Variants in MEGF11 observed in about 807,000 individuals in gnomAD.
MEGF11 encodes multiple epidermal growth factor-like domains protein 11.
A neutral mutation model predicts 146.6 loss-of-function variants in MEGF11; 126 were observed. The ratio of observed to expected loss-of-function variants is 0.86; its 90% CI spans 0.74 to 1.00. The LOEUF is 1.00. Ranked by LOEUF, MEGF11 falls within the 50% of genes least tolerant of loss-of-function variation. The probability of loss-of-function intolerance (pLI) is 0.00; values close to 1 mark genes in which losing one functional copy is unlikely to be tolerated. For synonymous variants in MEGF11, 532 were observed against 583.4 expected (o/e 0.91, Z 1.27); for missense variants, 1,509 against 1,521.2 (o/e 0.99, Z 0.13).
chr15:66,124,218 C>T (rs1453041175), intron 2 of MEGF11, among the ~76,000 whole-genome samples: 1 of 152,178 alleles, frequency 6.6e-6, no homozygotes, highest in Non-Finnish European at 1.5e-5. Context: ...ATTTACTGAC[C>T]TTTGGCCCAG....
chr15:65,967,056 A>G (rs991658697), intron 8 of MEGF11: 2 of 152,204 alleles, frequency 1.3e-5, no homozygotes, highest in Admixed American at 1.3e-4. Context: ...AACAGTGCGG[A>G]TAATGGAGAA....
At chr15:65,993,864 CCTCT>C (rs2082125755) in intron 5 of MEGF11, among the ~76,000 whole-genome samples, 1 of 152,182 alleles carries the variant, frequency 6.6e-6, no homozygotes, top group African/African-American at 2.4e-5. Context: ...GAGGAGGGAG[CCTCT>C]CTCTATCTCT....
chr15:66,123,111 G>C (rs186831177), intron 3 of MEGF11, among the ~76,000 whole-genome samples: 16 of 152,256 alleles, frequency 1.1e-4, no homozygotes, highest in African/African-American at 3.6e-4. Flanking sequence ...AGTACACTGG[G>C]AATCCCAAAA....
intron 5 of MEGF11, among the ~76,000 whole-genome samples, chr15:65,991,513 G>A (rs2082043120): frequency 6.6e-6 from 1 of 152,126 alleles, no homozygotes; most frequent in Non-Finnish European, 1.5e-5. Flanking sequence ...GCATTGCAGG[G>A]CATTTAGTGG....
chr15:66,236,301 CTAA>C (rs1455730086), intron 1 of MEGF11, among the ~76,000 whole-genome samples: 6 of 152,138 alleles, frequency 3.9e-5, no homozygotes, highest in Non-Finnish European at 7.4e-5. Flanking sequence ...TGACTCTGTG[CTAA>C]TGAGTTTTGA....
At chr15:65,960,427 G>T (rs1268638467) in intron 9 of MEGF11, among the ~76,000 whole-genome samples, 1 of 152,274 alleles carries the variant, frequency 6.6e-6, no homozygotes, top group East Asian at 1.9e-4. Flanking sequence ...ACAGCGACCT[G>T]CGTGGGTATC....
intron 5 of MEGF11, among the ~76,000 whole-genome samples, chr15:66,048,124 T>C (rs1043152791): frequency 6.6e-6 from 1 of 152,122 alleles, no homozygotes; most frequent in African/African-American, 2.4e-5. Flanking sequence ...TTTTGTATTT[T>C]TAGTAGAGGC....
chr15:66,140,983 C>A (rs143585219), intron 1 of MEGF11, among the ~76,000 whole-genome samples: 1 of 152,140 alleles, frequency 6.6e-6, no homozygotes, highest in Non-Finnish European at 1.5e-5. Context: ...CACTCATCAG[C>A]CACTGTGCAC....
chr15:66,020,076 C>T (rs1170785447), intron 5 of MEGF11, among the ~76,000 whole-genome samples: 1 of 152,202 alleles, frequency 6.6e-6, no homozygotes, highest in African/African-American at 2.4e-5. Flanking sequence ...CTCCCCAGCT[C>T]GGGTCCTGTA....
intron 1 of MEGF11, among the ~76,000 whole-genome samples, chr15:66,146,816 C>A (rs2141022441): frequency 6.6e-6 from 1 of 152,372 alleles, no homozygotes; most frequent in South Asian, 2.1e-4. Flanking sequence ...CTGGGTCCTG[C>A]ATTGTCTGCA....
At chr15:66,170,855 C>G (rs1455570685) in intron 1 of MEGF11, among the ~76,000 whole-genome samples, 1 of 152,126 alleles carries the variant, frequency 6.6e-6, no homozygotes, top group Non-Finnish European at 1.5e-5. Flanking sequence ...CCTGACAGCT[C>G]ACAGGCAGTA....
In MEGF11 at chr15:66,241,888, C is replaced by T. The variant is rs572312111; in HGVS notation, c.-9+11717G>A. ...ATCTACACCACCACACTCAGAAATA[C>T]ACACGTGGATAACAGCAGCACATAC... On this transcript the variant is annotated intron_variant, in intron 1 of 25. Coordinates refer to ENST00000395614, the MANE Select transcript of MEGF11 (RefSeq NM_001385028.1). Among the ~76,000 whole-genome samples the T allele has an allele frequency of 2.0e-3, 303 of 152,296 alleles. 1 individual carries two copies. The highest frequency in any genetic ancestry group is 6.9e-3 in the African/African-American group (286 of 41,558).
In MEGF11 at chr15:65,982,465, G is replaced by GC. The variant is rs1210671756; in HGVS notation, c.417dup (p.Pro140AlafsTer16). On this transcript the variant is annotated frameshift_variant, in exon 6 of 26. Coordinates refer to ENST00000395614, the MANE Select transcript of MEGF11 (RefSeq NM_001385028.1). LOFTEE classifies it high-confidence loss of function. The surrounding 1 kb of genome is among the most constrained non-coding windows in gnomAD (Gnocchi z 5.6). The stretch of plus-strand genomic sequence containing the variant: ...CACTGGCACCGGTTGCTGCAGTGGG[G>GC]CCCCCAGTGGTCGCTGTCGCAGCCT... 1 of 1,480,872 alleles carries GC rather than the reference G, an allele frequency of 6.8e-7. No homozygotes were observed. Among genetic ancestry groups the GC allele is most frequent in the African/African-American group, 1.4e-5 (1 of 70,202 alleles). The allele number at this position is 1,480,872 out of a possible 1,614,324, so 91.7% of individuals were successfully genotyped here.
At chr15:66,191,087 T>C (rs1357312202) in intron 1 of MEGF11, among the ~76,000 whole-genome samples, 3 of 151,966 alleles carry the variant, frequency 2.0e-5, no homozygotes, top group Non-Finnish European at 2.9e-5. Context: ...TCCCCCGATA[T>C]CAGGCCAGAC....
chr15:65,933,340 G>A (rs1296081041), intron 10 of MEGF11, among the ~76,000 whole-genome samples: 1 of 152,220 alleles, frequency 6.6e-6, no homozygotes, highest in Non-Finnish European at 1.5e-5. Context: ...TTCTCTTCAT[G>A]AATCTGCTAT....
intron 4 of MEGF11, among the ~76,000 whole-genome samples, chr15:66,107,054 A>ACC (rs35937464): frequency 0.21 from 27,051 of 131,864 alleles, 2,699 homozygotes; most frequent in East Asian, 0.42. Context: ...TTATATTCCT[A>ACC]CCCCCCCACC....
At chr15:65,997,580 T>C (rs189819296) in intron 5 of MEGF11, among the ~76,000 whole-genome samples, 6 of 152,360 alleles carry the variant, frequency 3.9e-5, no homozygotes, top group Non-Finnish European at 7.3e-5. Context: ...TTCTATCTAA[T>C]ACGATGTAAC....
chr15:65,912,699 A>G (rs1333699733), intron 20 of MEGF11, among the ~76,000 whole-genome samples: 1 of 152,194 alleles, frequency 6.6e-6, no homozygotes, highest in African/African-American at 2.4e-5. Context: ...ATAGTCATAG[A>G]AGAAAATCCC....
chr15:66,166,564 A>G (rs1342160696), intron 1 of MEGF11, among the ~76,000 whole-genome samples: 1 of 152,056 alleles, frequency 6.6e-6, no homozygotes, highest in Non-Finnish European at 1.5e-5. Context: ...CTAGGCCCAA[A>G]GGCCCTTCAT....
Sources: allele counts gnomAD v4.1 joint callset (sites outside exome capture counted in the v4.1 genomes callset), GRCh38; gene constraint gnomAD v4.1.1; non-coding constraint Gnocchi (gnomAD v3.1); transcripts MANE v1.5; gene names NCBI Gene and HGNC (gene_info 2026-07-23, HGNC 2026-07-21).